Variants in NEXN observed in about 807,000 individuals in gnomAD.
NEXN encodes nexilin F-actin binding protein, also known as nexilin.
In NEXN, 65 loss-of-function variants were observed where a neutral mutation model predicts 92.6. That is an observed-to-expected ratio of 0.70 (90% confidence interval 0.57 to 0.86). NEXN has a LOEUF of 0.86. Among genes scored for constraint, NEXN ranks in the 40% least tolerant of loss-of-function variants. NEXN has a pLI of 0.00. For missense variants in NEXN, 778 were observed against 771.1 expected (o/e 1.01, Z -0.11); for synonymous variants, 254 against 242.5 (o/e 1.05, Z -0.44).
chr1:77,919,134 G>T (rs1023198187), intron 5 of NEXN, among the ~76,000 whole-genome samples: 1 of 152,126 alleles, frequency 6.6e-6, no homozygotes, highest in South Asian at 2.1e-4. Flanking sequence ...AGATGCAAAA[G>T]CGGAAACCTC....
intron 5 of NEXN, among the ~76,000 whole-genome samples, chr1:77,921,739 G>C (rs1355735683): frequency 6.6e-6 from 1 of 151,976 alleles, no homozygotes; most frequent in Non-Finnish European, 1.5e-5. Context: ...CTAAAACCCT[G>C]TCACTACAAA....
intron 1 of NEXN, among the ~76,000 whole-genome samples, chr1:77,892,149 C>T (rs560748114): frequency 4.0e-5 from 6 of 151,470 alleles, no homozygotes; most frequent in Admixed American, 6.6e-5. Flanking sequence ...ATTAAAATAT[C>T]GATTTACGTC....
intron 12 of NEXN, 103 bp from the exon 13 acceptor site, chr1:77,942,358 A>G: frequency 7.2e-7 from 1 of 1,393,282 alleles, no homozygotes; most frequent in South Asian, 1.2e-5. Flanking sequence ...GCACACTTGT[A>G]TGTTCTTTAC....
chr1:77,923,067 C>A (rs1409054478), intron 5 of NEXN, among the ~76,000 whole-genome samples: 1 of 136,154 alleles, frequency 7.3e-6, no homozygotes, highest in African/African-American at 2.8e-5. Context: ...GCTCATGGCT[C>A]ACTGCAACCT....
intron 1 of NEXN, among the ~76,000 whole-genome samples, chr1:77,893,851 T>G (rs557947574): frequency 6.6e-6 from 1 of 151,938 alleles, no homozygotes; most frequent in East Asian, 1.9e-4. Flanking sequence ...TTTTTTTTTT[T>G]AGACAGAATT....
rs1649881678 is a variant in NEXN, at chr1:77,926,777, C to G, written c.749C>G (p.Thr250Ser). ...CTTTCTCCCGGAAAATTGAAACTAACTTTTGAAGAACTGGAGCGACAAAGA... is the reference window on the plus strand; with the variant it reads ...CTTTCTCCCGGAAAATTGAAACTAAGTTTTGAAGAACTGGAGCGACAAAGA... ...ESLSPGKLKL[T>S]FEELERQRQE... The change falls in exon 8 of 13, where the codon ACT (threonine) becomes AGT (serine). Residue 250 changes from threonine (T) to serine (S), a missense_variant. By Grantham distance (58) the Thr-to-Ser change is moderately conservative. Coordinates refer to ENST00000334785, the MANE Select transcript of NEXN (RefSeq NM_144573.4). The G allele has an allele frequency of 6.2e-7, 1 of 1,613,640 alleles. No homozygotes were observed. The highest frequency in any genetic ancestry group is 1.1e-5 in the South Asian group (1 of 90,992).
intron 1 of NEXN, among the ~76,000 whole-genome samples, chr1:77,902,656 G>A (rs1397498826): frequency 2.6e-5 from 4 of 152,082 alleles, no homozygotes; most frequent in African/African-American, 9.7e-5. Flanking sequence ...GGGTGTATGG[G>A]GGTTCATTGT....
At chr1:77,906,308 A>G (rs1396935708) in intron 1 of NEXN, among the ~76,000 whole-genome samples, 1 of 152,202 alleles carries the variant, frequency 6.6e-6, no homozygotes, top group Admixed American at 6.5e-5. Context: ...AGTTCACAGA[A>G]GTTAACTGGC....
intron 11 of NEXN, among the ~76,000 whole-genome samples, chr1:77,938,871 G>C (rs1651014885): frequency 6.6e-6 from 1 of 152,128 alleles, no homozygotes; most frequent in South Asian, 2.1e-4. Flanking sequence ...CAAAGGACAA[G>C]GCAAGGTTCA....
intron 9 of NEXN, among the ~76,000 whole-genome samples, chr1:77,932,888 G>A (rs552220140): frequency 2.6e-5 from 4 of 152,268 alleles, no homozygotes; most frequent in East Asian, 3.9e-4. Context: ...AAATCTGGCC[G>A]GGTGCGTGGC....
intron 1 of NEXN, among the ~76,000 whole-genome samples, chr1:77,911,127 T>C (rs1648543679): frequency 1.3e-5 from 2 of 152,294 alleles, no homozygotes; most frequent in Admixed American, 1.3e-4. Context: ...AGGAATGAGA[T>C]ACAGCGCCTG....
At chr1:77,934,223 T>C (rs896989335) in intron 10 of NEXN, among the ~76,000 whole-genome samples, 1 of 152,130 alleles carries the variant, frequency 6.6e-6, no homozygotes, top group Non-Finnish European at 1.5e-5. Context: ...TCGGCCAGGC[T>C]GATCTCGAAC....
At chr1:77,931,285 G>A (rs1650277538) in intron 9 of NEXN, among the ~76,000 whole-genome samples, 2 of 149,238 alleles carry the variant, frequency 1.3e-5, no homozygotes, top group Non-Finnish European at 3.0e-5. Flanking sequence ...GTGTTGGCGG[G>A]CACCTGTAGT....
At chr1:77,936,842 C>A (rs1188050383) in intron 11 of NEXN, among the ~76,000 whole-genome samples, 1 of 152,092 alleles carries the variant, frequency 6.6e-6, no homozygotes, top group African/African-American at 2.4e-5. Flanking sequence ...TTGGGAGGGC[C>A]TTCAGAGGAG....
At chr1:77,897,495 T>G (rs1647326119) in intron 1 of NEXN, among the ~76,000 whole-genome samples, 1 of 152,216 alleles carries the variant, frequency 6.6e-6, no homozygotes, top group Admixed American at 6.5e-5. Flanking sequence ...AATTAGGTAT[T>G]GATGGGATGT....
intron 1 of NEXN, among the ~76,000 whole-genome samples, chr1:77,894,996 G>A (rs1053440491): frequency 4.1e-5 from 6 of 146,988 alleles, no homozygotes; most frequent in Non-Finnish European, 7.4e-5. Flanking sequence ...GATTACAGGC[G>A]TGAGCCACCA....
intron 1 of NEXN, among the ~76,000 whole-genome samples, chr1:77,910,420 AG>A (rs956586174): frequency 2.0e-5 from 3 of 152,210 alleles, no homozygotes; most frequent in African/African-American, 7.2e-5. Context: ...CTATGTATGT[AG>A]AAAATCTGAT....
At chr1:77,903,225 G>GA (rs879657473) in intron 1 of NEXN, among the ~76,000 whole-genome samples, 165 of 135,848 alleles carry the variant, frequency 1.2e-3, no homozygotes, top group South Asian at 4.6e-3. Flanking sequence ...CATAAGAAAT[G>GA]AAAAAAAAAA....
chr1:77,923,548 T>G (rs1649607491), intron 5 of NEXN, among the ~76,000 whole-genome samples: 1 of 152,164 alleles, frequency 6.6e-6, no homozygotes, highest in Admixed American at 6.5e-5. Context: ...TTTCTTTTCC[T>G]GAGATCTTAA....
Sources: allele counts gnomAD v4.1 joint callset (sites outside exome capture counted in the v4.1 genomes callset), GRCh38; gene constraint gnomAD v4.1.1; transcripts MANE v1.5; gene names NCBI Gene and HGNC (gene_info 2026-07-23, HGNC 2026-07-21).